Variants in SUN1 observed in about 807,000 individuals in gnomAD.
SUN1 encodes the protein Sad1 and UNC84 domain containing 1.
SUN1 carries 61 observed loss-of-function variants against 103.2 expected under a neutral mutation model. That is an observed-to-expected ratio of 0.59 (90% CI 0.48 to 0.73). SUN1 has a LOEUF of 0.73. Ranked by LOEUF, SUN1 falls within the 30% of genes least tolerant of loss-of-function variation. SUN1 has a pLI of 0.00. For synonymous variants in SUN1, 490 were observed against 425.7 expected (o/e 1.15, Z -1.86); for missense variants, 1,052 against 1,034.6 (o/e 1.02, Z -0.23).
intron 6 of SUN1, 91 bp from the exon 7 acceptor site, chr7:851,859 C>CT: frequency 7.4e-7 from 1 of 1,347,370 alleles, no homozygotes; most frequent in Non-Finnish European, 1.0e-6. Flanking sequence ...TCTTCATGTG[C>CT]TTCTAGCTTG....
Position 843,832 on chromosome 7 carries a change from A to C in SUN1, c.658+312A>C, listed in dbSNP as rs1812520053. 4.3e-6 allele frequency: 6 copies of C among 1,386,922 alleles called. No homozygotes were observed. The South Asian group carries it at 8.1e-5, about 19-fold the overall frequency. The allele number at this position is 1,386,922 out of a possible 1,614,324, so 85.9% of individuals were successfully genotyped here. A position where few individuals can be genotyped will look rare whatever the true frequency, so the allele number is the denominator to read the frequency against. On this transcript the variant is annotated intron_variant, in intron 5 of 18. Transcript: ENST00000401592. The stretch of plus-strand genomic sequence containing the variant: ...CTTTCAGATGCACACCTTTATTTTT[A>C]TAAAACGGCACAGATGTTCACACAT...
At chr7:829,371 T>G (rs577965828), upstream of SUN1, among the ~76,000 whole-genome samples, 2 of 152,224 alleles carry the variant, frequency 1.3e-5, no homozygotes, top group East Asian at 3.9e-4. Context: ...GTAGAGCTGG[T>G]CTCAGAACCA....
At chr7:869,123 G>A (rs958645967) in intron 16 of SUN1, 14 of 559,994 alleles carry the variant, frequency 2.5e-5, no homozygotes, top group South Asian at 6.6e-5. Flanking sequence ...TTTTCTTTAA[G>A]GTTCTGGTCG....
At chr7:842,505 A>G (rs1811097596) in intron 3 of SUN1, 1 of 217,078 alleles carries the variant, frequency 4.6e-6, no homozygotes, top group African/African-American at 2.4e-5. Flanking sequence ...AGACAATCCA[A>G]AAACTTCAGT....
intron 1 of SUN1, among the ~76,000 whole-genome samples, chr7:838,485 A>G (rs146100074): frequency 1.3e-5 from 2 of 152,266 alleles, no homozygotes; most frequent in East Asian, 3.9e-4. Flanking sequence ...GCAAGGACGT[A>G]GGTGGGGACT....
intron 13 of SUN1, among the ~76,000 whole-genome samples, chr7:859,597 A>G (rs1206016184): frequency 6.6e-6 from 1 of 152,182 alleles, no homozygotes; most frequent in Non-Finnish European, 1.5e-5. Context: ...GCTGTGATGA[A>G]CGGTCGTGTC....
intron 13 of SUN1, among the ~76,000 whole-genome samples, chr7:859,850 G>C (rs555873678): frequency 6.6e-6 from 1 of 152,148 alleles, no homozygotes; most frequent in African/African-American, 2.4e-5. Context: ...GGATGGACAC[G>C]CACCTCCAGA....
chr7:858,084 T>C (rs934617046), intron 13 of SUN1, 127 bp downstream of exon 13: 2 of 1,201,888 alleles, frequency 1.7e-6, no homozygotes, highest in Non-Finnish European at 1.1e-6. Flanking sequence ...CGAGTCTTGC[T>C]GTGGCACGCA....
At chr7:816,621 T>C (rs536558537) in exon 1 of SUN1, 8 of 385,968 alleles carry the variant, frequency 2.1e-5, no homozygotes, top group Admixed American at 6.1e-5. Context: ...GGGCAGAGCG[T>C]CTTCTCGGGC....
chr7:817,390 A>C (rs781145948), intron 1 of SUN1: 5 of 1,533,972 alleles, frequency 3.3e-6, no homozygotes, highest in East Asian at 4.9e-5. Flanking sequence ...TGCGCCTTCA[A>C]AGTGCCCAGA....
At chr7:847,797 C>T (rs1475124244) in intron 5 of SUN1, among the ~76,000 whole-genome samples, 4 of 96,624 alleles carry the variant, frequency 4.1e-5, no homozygotes, top group African/African-American at 1.3e-4. Context: ...GGGGTTACCC[C>T]GCAGTCCAGT....
At chr7:839,959 T>C (rs1441368061) in intron 2 of SUN1, among the ~76,000 whole-genome samples, 1 of 152,266 alleles carries the variant, frequency 6.6e-6, no homozygotes, top group East Asian at 1.9e-4. Context: ...ATTTGATCTC[T>C]GAACTCTCCA....
At chr7:863,067 G>A (rs899408992) in intron 15 of SUN1, among the ~76,000 whole-genome samples, 1 of 152,142 alleles carries the variant, frequency 6.6e-6, no homozygotes, top group African/African-American at 2.4e-5. Context: ...GCGTGAACCC[G>A]GGAGGTGGAG....
In SUN1 at chr7:873,565, C is replaced by T. The variant is rs1456100895; in HGVS notation, c.*234C>T. The T allele has an allele frequency of 8.3e-6, 4 of 479,176 alleles. No homozygotes were observed. Among genetic ancestry groups the T allele is most frequent in the Admixed American group, 3.8e-5 (1 of 26,664 alleles). 29.7% of individuals were successfully genotyped at this position (479,176 alleles called of 1,614,324 possible). A position where few individuals can be genotyped will look rare whatever the true frequency, so the allele number is the denominator to read the frequency against. ...AGCAGCAGGAGAAGCGTGTTGAACA[C>T]GTGGCTCTCAGACACTCCTTGTTTT... is the stretch of plus-strand genomic sequence containing the variant. On this transcript the variant is annotated 3_prime_UTR_variant, in exon 19 of 19. Coordinates refer to ENST00000401592, the MANE Select transcript of SUN1 (RefSeq NM_001130965.3).
chr7:851,923 T>C, intron 6 of SUN1, 27 bp from the exon 7 acceptor site: 1 of 1,607,590 alleles, frequency 6.2e-7, no homozygotes, highest in Non-Finnish European at 8.5e-7. Context: ...AACATTTCCT[T>C]AGAATGTTTG....
intron 15 of SUN1, among the ~76,000 whole-genome samples, chr7:864,722 G>A (rs971972620): frequency 3.6e-5 from 1 of 28,030 alleles, no homozygotes; most frequent in African/African-American, 1.1e-4. Context: ...TCTGCCTCCC[G>A]GCTTCAAGCA....
intron 15 of SUN1, among the ~76,000 whole-genome samples, chr7:862,152 T>C (rs960209871): frequency 2.6e-5 from 4 of 152,240 alleles, no homozygotes; most frequent in Non-Finnish European, 5.9e-5. Context: ...ACACCTGTTA[T>C]GGAAATCAAA....
intron 16 of SUN1, among the ~76,000 whole-genome samples, chr7:867,350 CTG>C (rs1204564481): frequency 6.6e-6 from 1 of 152,270 alleles, no homozygotes; most frequent in Non-Finnish European, 1.5e-5. Context: ...CCGGCACAGT[CTG>C]TGTCACCTGG....
chr7:836,541 A>G (rs1038268012), intron 1 of SUN1, among the ~76,000 whole-genome samples: 1 of 152,164 alleles, frequency 6.6e-6, no homozygotes, highest in Non-Finnish European at 1.5e-5. Context: ...CAGCTGGCTC[A>G]TGGAAGAGCT....
Sources: gnomAD v4.1 joint callset for allele counts (sites outside exome capture counted in the v4.1 genomes callset) on GRCh38, gnomAD v4.1.1 for gene constraint, MANE v1.5 for transcripts, NCBI Gene and HGNC (gene_info 2026-07-23, HGNC 2026-07-21) for gene names.